The following ECM2 variants were observed in gnomAD, a reference collection of about 807,000 sequenced individuals.
The protein encoded by ECM2 is extracellular matrix protein 2.
ECM2 carries 57 observed loss-of-function variants against 67.5 expected under a neutral mutation model. The ratio of observed to expected loss-of-function variants is 0.84; its 90% CI spans 0.68 to 1.05. The LOEUF (loss-of-function observed/expected upper bound fraction) is 1.05, where lower values mean the gene tolerates loss of function less well. Among genes scored for constraint, ECM2 ranks in the 50% least tolerant of loss-of-function variants. The pLI, the probability that ECM2 is intolerant of heterozygous loss-of-function variation, is 0.00. For synonymous variants in ECM2, 258 were observed against 294.5 expected (o/e 0.88, Z 1.27); for missense variants, 741 against 822.8 (o/e 0.90, Z 1.22).
At chr9:92,512,713 G>A (rs1847429559) in intron 4 of ECM2, among the ~76,000 whole-genome samples, 1 of 152,140 alleles carries the variant, frequency 6.6e-6, no homozygotes, top group Non-Finnish European at 1.5e-5. Flanking sequence ...TTAACATTTA[G>A]TTAAGTTCAG....
At chr9:92,554,798 C>T in the ECM2 span, among the ~76,000 whole-genome samples, 10 of 151,740 alleles carry the variant, frequency 6.6e-5, no homozygotes, top group South Asian at 2.1e-4. Flanking sequence ...CCACTGCGCC[C>T]GGCTTATTTT....
the ECM2 span, among the ~76,000 whole-genome samples, chr9:92,555,142 G>T: frequency 1.3e-5 from 2 of 149,192 alleles, no homozygotes; most frequent in Non-Finnish European, 3.0e-5. Context: ...AAAACGATTG[G>T]TATCAATTCT....
At chr9:92,543,936 G>A in the ECM2 span, among the ~76,000 whole-genome samples, 7 of 152,122 alleles carry the variant, frequency 4.6e-5, no homozygotes, top group East Asian at 1.4e-3. Context: ...CAGTTTTTTG[G>A]TGCAGTCTTT....
chr9:92,502,168 G>A (rs1209254656), intron 8 of ECM2, among the ~76,000 whole-genome samples: 2 of 152,162 alleles, frequency 1.3e-5, no homozygotes, highest in Non-Finnish European at 2.9e-5. Context: ...GAGCTAGAGT[G>A]GCATTTGACC....
upstream of ECM2, among the ~76,000 whole-genome samples, chr9:92,541,427 GCCCACACC>G (rs1849317532): frequency 5.9e-5 from 1 of 16,956 alleles, no homozygotes; most frequent in Non-Finnish European, 1.2e-4. Context: ...TCCCCACCCC[GCCCACACC>G]CCCACACCCC....
At position 92,502,386 on chromosome 9, in the gene ECM2, T is replaced by G. The variant is rs1846732306; in HGVS notation, c.1604+127A>C. 4 of 1,200,790 alleles carry G rather than the reference T, an allele frequency of 3.3e-6. No individual in the cohort carries two copies. The African/African-American group carries it at 6.2e-5, about 19-fold the overall frequency. 74.4% of individuals were successfully genotyped at this position (1,200,790 alleles called of 1,614,324 possible). On this transcript the variant is annotated intron_variant, in intron 8 of 9. Transcript: ENST00000344604. ...AGGGTAAGGGTTCACTAAGAAACGA[T>G]TCTGTCTCCGAGCCCTTCAGTATCG...
At chr9:92,528,775 C>T (rs561669612) in intron 1 of ECM2, among the ~76,000 whole-genome samples, 21 of 152,238 alleles carry the variant, frequency 1.4e-4, no homozygotes, top group East Asian at 1.2e-3. Context: ...AATTAAACTG[C>T]GTACAATAAC....
At chr9:92,525,416 C>T (rs960922772) in intron 1 of ECM2, among the ~76,000 whole-genome samples, 2 of 152,112 alleles carry the variant, frequency 1.3e-5, no homozygotes, top group Non-Finnish European at 2.9e-5. Flanking sequence ...CAGTCATGTA[C>T]CACATAATGA....
chr9:92,534,162 CT>C (rs1356817178), intron 1 of ECM2, among the ~76,000 whole-genome samples: 2 of 152,132 alleles, frequency 1.3e-5, no homozygotes, highest in Admixed American at 6.5e-5. Flanking sequence ...TGAAGGACTC[CT>C]CAGAGTGTCT....
intron 1 of ECM2, among the ~76,000 whole-genome samples, chr9:92,532,684 GTTCT>G (rs1848871902): frequency 6.6e-6 from 1 of 151,802 alleles, no homozygotes; most frequent in African/African-American, 2.4e-5. Flanking sequence ...TTTTCAGTAT[GTTCT>G]TTTTGTTTCC....
chr9:92,500,700 CAG>C, intron 9 of ECM2, 25 bp downstream of exon 9: 1 of 1,585,178 alleles, frequency 6.3e-7, no homozygotes, highest in Non-Finnish European at 8.6e-7. Context: ...AAAATTTAAA[CAG>C]ATACTTGAAA....
chr9:92,516,309 C>T (rs530150459), intron 3 of ECM2, among the ~76,000 whole-genome samples: 4 of 152,150 alleles, frequency 2.6e-5, no homozygotes, highest in Admixed American at 6.5e-5. Context: ...GTGATCCTCC[C>T]GCCTCAGCCT....
At chr9:92,551,961 T>TG in the ECM2 span, among the ~76,000 whole-genome samples, 1 of 113,992 alleles carries the variant, frequency 8.8e-6, no homozygotes, top group African/African-American at 5.1e-5. Flanking sequence ...ATGATATATA[T>TG]ATGTGTGATA....
chr9:92,546,971 G>A, the ECM2 span, among the ~76,000 whole-genome samples: 2 of 152,088 alleles, frequency 1.3e-5, no homozygotes, highest in South Asian at 2.1e-4. Flanking sequence ...CAAACTGACA[G>A]GGACGTCAGA....
At chr9:92,552,055 CAT>C in the ECM2 span, among the ~76,000 whole-genome samples, 2 of 125,074 alleles carry the variant, frequency 1.6e-5, no homozygotes, top group Non-Finnish European at 3.3e-5. Context: ...ATAGGTCTAT[CAT>C]ATATGTGATA....
the ECM2 span, among the ~76,000 whole-genome samples, chr9:92,552,824 G>A: frequency 2.9e-4 from 44 of 152,174 alleles, no homozygotes; most frequent in South Asian, 1.5e-3. Flanking sequence ...TCCTTTTGCC[G>A]TGCAAAAGCT....
intron 5 of ECM2, among the ~76,000 whole-genome samples, chr9:92,510,913 T>A (rs182307995): frequency 6.6e-6 from 1 of 152,286 alleles, no homozygotes; most frequent in African/African-American, 2.4e-5. Context: ...AGACTCCAGA[T>A]AAGAAACAGG....
upstream of ECM2, among the ~76,000 whole-genome samples, chr9:92,537,044 A>AT (rs112330831): frequency 4.6e-4 from 66 of 142,608 alleles, no homozygotes; most frequent in African/African-American, 1.0e-3. Context: ...TAATTTTTGT[A>AT]TTTTTTTTTT....
chr9:92,546,346 T>C, the ECM2 span, among the ~76,000 whole-genome samples: 1 of 152,174 alleles, frequency 6.6e-6, no homozygotes, highest in Admixed American at 6.5e-5. Flanking sequence ...CCTTCCACTG[T>C]GTGGAAGCTT....
Sources: allele counts gnomAD v4.1 joint callset (sites outside exome capture counted in the v4.1 genomes callset), GRCh38; gene constraint gnomAD v4.1.1; transcripts MANE v1.5; gene names NCBI Gene and HGNC (gene_info 2026-07-23, HGNC 2026-07-21).